Variants in TXNDC16 observed in about 807,000 individuals in gnomAD.
TXNDC16 encodes the protein thioredoxin domain-containing protein 16.
TXNDC16 carries 74 observed loss-of-function variants against 85.6 expected under a neutral mutation model. The ratio of observed to expected loss-of-function variants is 0.86; its 90% CI spans 0.72 to 1.05. TXNDC16 has a LOEUF of 1.05. Among genes scored for constraint, TXNDC16 ranks in the 50% least tolerant of loss-of-function variants. TXNDC16 has a pLI of 0.00. For synonymous variants in TXNDC16, 335 were observed against 326.5 expected (o/e 1.03, Z -0.28); for missense variants, 959 against 947.0 (o/e 1.01, Z -0.17).
chr14:52,548,918 T>G (rs2357799), intron 1 of TXNDC16, among the ~76,000 whole-genome samples: 16,918 of 152,156 alleles, frequency 0.11, 1,246 homozygotes, highest in East Asian at 0.37. Context: ...TTTAAACTTC[T>G]AATGTTTCCG....
intron 6 of TXNDC16, among the ~76,000 whole-genome samples, chr14:52,529,720 T>C (rs1206446339): frequency 8.5e-6 from 1 of 117,960 alleles, no homozygotes; most frequent in African/African-American, 3.5e-5. Flanking sequence ...ATGCCTATTA[T>C]ATATATTATA....
At chr14:52,506,836 G>A (rs1457404438) in intron 9 of TXNDC16, among the ~76,000 whole-genome samples, 1 of 143,118 alleles carries the variant, frequency 7.0e-6, no homozygotes, top group Non-Finnish European at 1.5e-5. Context: ...GATTACAGGC[G>A]TGAGCCACCG....
intron 9 of TXNDC16, among the ~76,000 whole-genome samples, chr14:52,493,101 C>T (rs889822936): frequency 6.6e-6 from 1 of 151,122 alleles, no homozygotes; most frequent in African/African-American, 2.4e-5. Context: ...CAAAGCGTGA[C>T]CCTGTCTCTA....
chr14:52,530,467 A>AT (rs2037520808), intron 6 of TXNDC16, among the ~76,000 whole-genome samples: 7 of 3,850 alleles, frequency 1.8e-3, no homozygotes, highest in Non-Finnish European at 2.2e-3. Context: ...AATATATATT[A>AT]TATATTATTA....
rs2034897694 is a variant in TXNDC16 at position 52,431,628 on chromosome 14, T to C, written c.*676A>G. On this transcript the variant is annotated 3_prime_UTR_variant, in exon 21 of 21. Transcript: ENST00000281741. ...TTTCGGGCAGGATAATTCTTTGTTG[T>C]GGGGCGCTGTCCAATGCAGGTTATT... 1 of 152,208 alleles carries C rather than the reference T, an allele frequency of 6.6e-6. No individual in the cohort carries two copies. Among genetic ancestry groups the C allele is most frequent in the African/African-American group, 2.4e-5 (1 of 41,442 alleles). 9.4% of individuals were successfully genotyped at this position (152,208 alleles called of 1,614,324 possible).
chr14:52,448,955 A>G (rs2035345488), intron 18 of TXNDC16, among the ~76,000 whole-genome samples: 1 of 152,048 alleles, frequency 6.6e-6, no homozygotes, highest in Non-Finnish European at 1.5e-5. Context: ...AAACAAAACA[A>G]ATACACACAA....
intron 16 of TXNDC16, among the ~76,000 whole-genome samples, chr14:52,469,508 G>C (rs2140130790): frequency 6.6e-6 from 1 of 152,108 alleles, no homozygotes; most frequent in South Asian, 2.1e-4. Context: ...ACTTTGGGAG[G>C]CCAAGGCAGG....
chr14:52,525,286 A>T (rs1410410031), intron 6 of TXNDC16, among the ~76,000 whole-genome samples: 1 of 152,140 alleles, frequency 6.6e-6, no homozygotes, highest in African/African-American at 2.4e-5. Context: ...CAAAATCCGT[A>T]ACACATTATT....
In TXNDC16 at chr14:52,431,335, T is replaced by G. The variant is rs1312874844; in HGVS notation, c.*969A>C. ...CAATCTGAAATTTAGCCATATAACT[T>G]GTAGAAATAAGAGGAGGTTTTAAGA... On this transcript the variant is annotated 3_prime_UTR_variant, in exon 21 of 21. Coordinates refer to ENST00000281741, the MANE Select transcript of TXNDC16 (RefSeq NM_020784.3). The G allele has an allele frequency of 6.6e-6, 1 of 152,158 alleles. No individual in the cohort carries two copies. The highest frequency in any genetic ancestry group is 1.5e-5 in the Non-Finnish European group (1 of 68,026). 9.4% of individuals were successfully genotyped at this position (152,158 alleles called of 1,614,324 possible).
At chr14:52,533,809 G>C (rs192127469) in intron 6 of TXNDC16, among the ~76,000 whole-genome samples, 1 of 152,146 alleles carries the variant, frequency 6.6e-6, no homozygotes, top group Non-Finnish European at 1.5e-5. Flanking sequence ...GGGAACAAAA[G>C]GGGTGTGGGG....
chr14:52,442,867 T>C (rs2035198509), intron 18 of TXNDC16, among the ~76,000 whole-genome samples: 4 of 152,220 alleles, frequency 2.6e-5, no homozygotes, highest in Admixed American at 2.6e-4. Flanking sequence ...AATAAGATCC[T>C]TTCCTTGCCT....
chr14:52,537,070 T>TCACACACACACACA (rs58583503), intron 5 of TXNDC16, among the ~76,000 whole-genome samples: 75 of 147,352 alleles, frequency 5.1e-4, no homozygotes, highest in African/African-American at 1.3e-3. Flanking sequence ...CAACTCACAA[T>TCACACACACACACA]CACACACACA....
intron 9 of TXNDC16, among the ~76,000 whole-genome samples, chr14:52,506,274 A>C (rs1353279237): frequency 6.6e-6 from 1 of 152,184 alleles, no homozygotes; most frequent in East Asian, 1.9e-4. Flanking sequence ...ACAACAAAAA[A>C]AGAGAATTTT....
intron 18 of TXNDC16, among the ~76,000 whole-genome samples, chr14:52,447,307 G>C (rs1036353055): frequency 6.6e-6 from 1 of 152,162 alleles, no homozygotes; most frequent in Admixed American, 6.5e-5. Flanking sequence ...AGTGGCCATG[G>C]GGTGAGGCTC....
intron 9 of TXNDC16, among the ~76,000 whole-genome samples, chr14:52,500,968 C>G (rs960941515): frequency 6.6e-6 from 1 of 152,164 alleles, no homozygotes; most frequent in Non-Finnish European, 1.5e-5. Flanking sequence ...CTGAATCCAT[C>G]ATGGAGAAAA....
chr14:52,509,027 C>T (rs2036888490), intron 9 of TXNDC16, among the ~76,000 whole-genome samples: 1 of 152,020 alleles, frequency 6.6e-6, no homozygotes, highest in African/African-American at 2.4e-5. Flanking sequence ...GCACGTTGTG[C>T]ACATGTACCC....
chr14:52,547,718 G>A (rs2140235492), intron 1 of TXNDC16, among the ~76,000 whole-genome samples: 1 of 152,278 alleles, frequency 6.6e-6, no homozygotes, highest in Admixed American at 6.5e-5. Flanking sequence ...TCAACAGGGG[G>A]TGGCAGACAG....
intron 6 of TXNDC16, among the ~76,000 whole-genome samples, chr14:52,526,721 T>C (rs923742133): frequency 6.6e-6 from 1 of 152,230 alleles, no homozygotes; most frequent in Non-Finnish European, 1.5e-5. Context: ...ATGTGCTGAC[T>C]GATGGCTGGC....
In TXNDC16 at chr14:52,482,279, T is replaced by C. The variant is rs140158462; in HGVS notation, c.1263A>G (p.Val421=). ...IVLFYAGWQA[V]SMAFLQSYID... ...TATAGGATTGCAAAAATGCCATGGATACTGCTTGCCCTATATGAAAATTAA... is the reference window on the plus strand; with the variant it reads ...TATAGGATTGCAAAAATGCCATGGACACTGCTTGCCCTATATGAAAATTAA... Residue 421 remains valine, a synonymous_variant, in exon 14 of 21, where the codon GTA becomes GTG. Transcript: ENST00000281741. 2,924 of 1,611,948 alleles carry C rather than the reference T, an allele frequency of 1.8e-3. 6 individuals carry two copies. The highest frequency in any genetic ancestry group is 1.7e-3 in the Non-Finnish European group (2,005 of 1,178,926).
Sources: gnomAD v4.1 joint callset for allele counts (sites outside exome capture counted in the v4.1 genomes callset) on GRCh38, gnomAD v4.1.1 for gene constraint, MANE v1.5 for transcripts, NCBI Gene and HGNC (gene_info 2026-07-23, HGNC 2026-07-21) for gene names.